Variants in EHMT1 observed in about 807,000 individuals in gnomAD.
EHMT1 encodes euchromatic histone lysine methyltransferase 1.
EHMT1 carries 15 observed loss-of-function variants against 147.2 expected under a neutral mutation model. The observed-to-expected ratio is 0.10, with a 90% CI of 0.07 to 0.16. EHMT1 has a LOEUF of 0.16. Among genes scored for constraint, EHMT1 ranks in the 10% least tolerant of loss-of-function variants. The pLI is 1.00. For missense variants in EHMT1, 1,587 were observed against 1,772.4 expected, an observed-to-expected ratio of 0.90 and a Z score of 1.88; for synonymous variants, 795 against 709.6, an observed-to-expected ratio of 1.12 and a Z score of -1.91.
At chr9:137,821,426 T>G (rs1428448994) in intron 25 of EHMT1, among the ~76,000 whole-genome samples, 2 of 150,254 alleles carry the variant, frequency 1.3e-5, no homozygotes, top group African/African-American at 4.9e-5. Flanking sequence ...CTCCTGGGCT[T>G]AAGTGATCTT....
intron 10 of EHMT1, among the ~76,000 whole-genome samples, chr9:137,772,922 A>G (rs1564732093): frequency 6.6e-6 from 1 of 152,146 alleles, no homozygotes; most frequent in Non-Finnish European, 1.5e-5. Flanking sequence ...TATCCTTCCC[A>G]GAACATCTCC....
At chr9:137,710,902 G>GTGC in intron 1 of EHMT1, 65 bp from the exon 2 acceptor site, 1 of 1,531,966 alleles carries the variant, frequency 6.5e-7, no homozygotes, top group South Asian at 1.2e-5. Flanking sequence ...TTTTCCAAAT[G>GTGC]ATGTCCATTT....
At chr9:137,712,684 A>G (rs55852339) in intron 2 of EHMT1, among the ~76,000 whole-genome samples, 13,160 of 152,204 alleles carry the variant, frequency 0.086, 653 homozygotes, top group Middle Eastern at 0.2. Context: ...CTTATCAGCC[A>G]TGGGATTTGC....
chr9:137,789,896 A>T (rs1233036755), intron 15 of EHMT1, among the ~76,000 whole-genome samples: 1 of 152,130 alleles, frequency 6.6e-6, no homozygotes, highest in African/African-American at 2.4e-5. Context: ...CGCCTGGTTA[A>T]TTTTTGTATT....
chr9:137,675,404 T>G (rs1006052200), intron 1 of EHMT1, among the ~76,000 whole-genome samples: 3 of 152,074 alleles, frequency 2.0e-5, no homozygotes, highest in African/African-American at 7.2e-5. Context: ...TGGTGACCAA[T>G]AGGGGGGTTG....
At chr9:137,718,740 CTCTTTT>C (rs566131576) in intron 3 of EHMT1, among the ~76,000 whole-genome samples, 1,647 of 149,218 alleles carry the variant, frequency 0.011, 19 homozygotes, top group African/African-American at 0.025. Flanking sequence ...TTAGTTCTCT[CTCTTTT>C]TCTTTTTCTT....
intron 8 of EHMT1, among the ~76,000 whole-genome samples, chr9:137,755,183 G>C (rs959420247): frequency 2.6e-5 from 4 of 152,194 alleles, no homozygotes; most frequent in Non-Finnish European, 4.4e-5. Context: ...CAGATGATCA[G>C]TGCCATGAGC....
chr9:137,682,549 C>T (rs902736930), intron 1 of EHMT1, among the ~76,000 whole-genome samples: 1 of 152,192 alleles, frequency 6.6e-6, no homozygotes, highest in Non-Finnish European at 1.5e-5. Flanking sequence ...AGTTTGCTAG[C>T]CGCTGGGATG....
chr9:137,820,909 G>A (rs993374533), intron 25 of EHMT1, among the ~76,000 whole-genome samples: 27 of 152,292 alleles, frequency 1.8e-4, no homozygotes, highest in Admixed American at 5.9e-4. Flanking sequence ...ACGGAGTCTC[G>A]CTCTGTCACC....
In EHMT1 at chr9:137,744,034, A is replaced by T; in HGVS notation, c.1114A>T (p.Thr372Ser). ...TGCAGAGCAGGCGGCCGCGTTCCCC[A>T]CAGAGGACAGCAGGACTTCCAAGGA... is the stretch of plus-strand genomic sequence containing the variant. ...HGAEQAAAFP[T>S]EDSRTSKESM... The change falls in exon 6 of 27, where the codon ACA (threonine) becomes TCA (serine). Residue 372 changes from threonine to serine, a missense_variant. Thr to Ser is a moderately conservative substitution (Grantham distance 58, BLOSUM62 1). Coordinates refer to ENST00000460843, the MANE Select transcript of EHMT1 (RefSeq NM_024757.5). 6.2e-7 allele frequency: 1 copy of T among 1,614,132 alleles called. No individual in the cohort carries two copies. The highest frequency in any genetic ancestry group is 1.6e-4 in the Middle Eastern group (1 of 6,062).
intron 3 of EHMT1, among the ~76,000 whole-genome samples, chr9:137,718,066 A>G (rs1945529332): frequency 6.9e-6 from 1 of 144,962 alleles, no homozygotes; most frequent in Non-Finnish European, 1.5e-5. Context: ...CCCCTCACGC[A>G]CTGTGATGAT....
At position 137,814,351 on chromosome 9, in the gene EHMT1, T is replaced by C; in HGVS notation, c.3181-80T>C. On this transcript the variant is annotated intron_variant, in intron 21 of 26. Transcript: ENST00000460843. The stretch of plus-strand genomic sequence containing the variant: ...TTACCAGAATCAGGGTTAACAGAAC[T>C]GGAAGACGTAGTTGTGACTGGGAGG... 5 of 1,462,398 alleles carry C rather than the reference T, an allele frequency of 3.4e-6. No homozygotes were observed. The Admixed American group carries it at 6.7e-5, about 20-fold the overall frequency. 90.6% of individuals were successfully genotyped at this position (1,462,398 alleles called of 1,614,324 possible).
At chr9:137,635,773 T>G (rs1844012134) in intron 1 of EHMT1, among the ~76,000 whole-genome samples, 1 of 151,234 alleles carries the variant, frequency 6.6e-6, no homozygotes, top group South Asian at 2.1e-4. Context: ...TGAGCTGAGA[T>G]GGTGCCACTG....
At chr9:137,763,172 A>G (rs1245740736) in intron 10 of EHMT1, 1 of 471,036 alleles carries the variant, frequency 2.1e-6, no homozygotes, top group Admixed American at 3.7e-5. Flanking sequence ...TGAGTCCAGA[A>G]CTGCCCAGAA....
chr9:137,724,287 G>A (rs942514594), intron 3 of EHMT1, among the ~76,000 whole-genome samples: 2 of 150,312 alleles, frequency 1.3e-5, no homozygotes, highest in African/African-American at 2.4e-5. Context: ...CCCCCGCCCT[G>A]CCAGGAGGGA....
intron 1 of EHMT1, among the ~76,000 whole-genome samples, chr9:137,656,385 CA>C (rs1564546838): frequency 6.6e-6 from 1 of 151,884 alleles, no homozygotes; most frequent in Non-Finnish European, 1.5e-5. Context: ...ATCTCAAAAA[CA>C]AAAACAAAAA....
At chr9:137,772,038 C>T (rs951348064) in intron 10 of EHMT1, among the ~76,000 whole-genome samples, 2 of 151,696 alleles carry the variant, frequency 1.3e-5, no homozygotes, top group Non-Finnish European at 2.9e-5. Flanking sequence ...CCTGTGGGCC[C>T]TGCAGAGCCT....
Position 137,716,883 on chromosome 9 carries a change from G to T in EHMT1, c.343G>T (p.Val115Leu). ...KQNHVTADDF[V>L]QTSVIGSNGY... ...AAACCACGTCACTGCCGACGACTTT[G>T]TGCAGACTTCTGTCATCGGCAGCAA... The change falls in exon 3 of 27, where the codon GTG becomes TTG. Residue 115 changes from valine (V) to leucine (L), a missense_variant. This residue lies in a region of EHMT1 where 810 missense variants were observed against 673.0 expected (regional missense o/e 1.20). Transcript: ENST00000460843. 1 of 1,613,244 alleles carries T rather than the reference G, an allele frequency of 6.2e-7. No homozygotes were observed. The highest frequency in any genetic ancestry group is 8.5e-7 in the Non-Finnish European group (1 of 1,179,894).
chr9:137,801,362 C>T (rs1953471570), intron 18 of EHMT1, among the ~76,000 whole-genome samples: 1 of 152,208 alleles, frequency 6.6e-6, no homozygotes, highest in African/African-American at 2.4e-5. Context: ...CGCTCTGTCG[C>T]CCAGGCTAGA....
Sources: gnomAD v4.1 joint callset for allele counts (sites outside exome capture counted in the v4.1 genomes callset) on GRCh38, gnomAD v4.1.1 for gene constraint, gnomAD v4.1.1 regional missense constraint, MANE v1.5 for transcripts, NCBI Gene and HGNC (gene_info 2026-07-23, HGNC 2026-07-21) for gene names.